The following ATP8A2 variants were observed in gnomAD, a reference collection of about 807,000 sequenced individuals.
ATP8A2 encodes the protein ATPase phospholipid transporting 8A2, also known as phospholipid-transporting ATPase IB.
A neutral mutation model predicts 165.6 loss-of-function variants in ATP8A2; 100 were observed. The ratio of observed to expected loss-of-function variants is 0.60; its 90% CI spans 0.51 to 0.71. The LOEUF (loss-of-function observed/expected upper bound fraction) is 0.71, where lower values mean the gene tolerates loss of function less well. ATP8A2 is among the 30% of genes least tolerant of loss of function. ATP8A2 has a pLI of 0.00. For synonymous variants in ATP8A2, 543 were observed against 548.8 expected (o/e 0.99, Z 0.15); for missense variants, 1,227 against 1,479.5 (o/e 0.83, Z 2.80).
rs534710885 is a variant in ATP8A2, at chr13:25,513,403, G to C, written c.222-16596G>C. ...CTTCTCACTTCCTAGATGGGATGGC[G>C]GCCGGGAAGAGGCGCTCCTCACTTC... On this transcript the variant is annotated intron_variant, in intron 2 of 36. Coordinates refer to ENST00000381655, the MANE Select transcript of ATP8A2 (RefSeq NM_016529.6). Among the ~76,000 whole-genome samples the C allele has an allele frequency of 2.2e-3, 309 of 143,218 alleles. 3 individuals are homozygous for C. Among genetic ancestry groups the C allele is most frequent in the African/African-American group, 7.1e-3 (284 of 40,230 alleles). 94.0% of individuals were successfully genotyped at this position (143,218 alleles called of 152,430 possible).
chr13:25,803,862 G>C (rs1950672958), intron 27 of ATP8A2, among the ~76,000 whole-genome samples: 1 of 152,254 alleles, frequency 6.6e-6, no homozygotes, highest in African/African-American at 2.4e-5. Context: ...TGAGAACTGT[G>C]TATGTGTTTG....
intron 25 of ATP8A2, among the ~76,000 whole-genome samples, chr13:25,737,640 AG>A (rs1460502306): frequency 6.6e-6 from 1 of 152,090 alleles, no homozygotes; most frequent in Non-Finnish European, 1.5e-5. Flanking sequence ...CTGGGACCAC[AG>A]GCAAATGCCA....
chr13:25,872,812 T>C (rs147689296), intron 33 of ATP8A2, among the ~76,000 whole-genome samples: 2 of 152,252 alleles, frequency 1.3e-5, no homozygotes, highest in African/African-American at 4.8e-5. Flanking sequence ...ATTTTATTGA[T>C]ATATTTTATT....
chr13:25,389,845 C>T (rs977879304), intron 1 of ATP8A2, among the ~76,000 whole-genome samples: 13 of 152,032 alleles, frequency 8.6e-5, no homozygotes, highest in Admixed American at 2.0e-4. Context: ...AAGCGATGTC[C>T]AAGGCAATAC....
At chr13:25,638,478 G>A (rs138410207) in intron 24 of ATP8A2, among the ~76,000 whole-genome samples, 5,286 of 152,292 alleles carry the variant, frequency 0.035, 158 homozygotes, top group East Asian at 0.13. Flanking sequence ...TTCAGTAGCC[G>A]ATTCGATCAA....
intron 25 of ATP8A2, among the ~76,000 whole-genome samples, chr13:25,721,328 C>G (rs761662892): frequency 3.3e-5 from 5 of 151,882 alleles, no homozygotes; most frequent in Non-Finnish European, 5.9e-5. Flanking sequence ...CATCATCACA[C>G]TAAATTAAGG....
intron 27 of ATP8A2, among the ~76,000 whole-genome samples, chr13:25,807,457 A>G (rs1465010202): frequency 2.0e-5 from 3 of 152,144 alleles, no homozygotes; most frequent in Non-Finnish European, 2.9e-5. Context: ...TTTCCTATTG[A>G]ATTGTCTTGG....
intron 25 of ATP8A2, among the ~76,000 whole-genome samples, chr13:25,742,609 A>T (rs558195145): frequency 6.6e-6 from 1 of 151,380 alleles, no homozygotes; most frequent in South Asian, 2.1e-4. Context: ...GTCATTCCTA[A>T]ACATATTTGA....
In ATP8A2 at chr13:25,430,275, G is replaced by T. The variant is rs986508117; in HGVS notation, c.77-38702G>T. Among the ~76,000 whole-genome samples, 7 of 152,052 alleles carry T rather than the reference G, an allele frequency of 4.6e-5. No homozygotes were observed. In the South Asian group the frequency reaches 1.2e-3, roughly 27 times the overall value. On this transcript the variant is annotated intron_variant, in intron 1 of 36. Transcript: ENST00000381655. ...AGACGGGGGCTGAAATGCAACTGTG[G>T]GGGCGTCTCCGGTAAGGGATGGACA...
chr13:25,806,594 A>G (rs1950745311), intron 27 of ATP8A2, among the ~76,000 whole-genome samples: 1 of 152,122 alleles, frequency 6.6e-6, no homozygotes, highest in Non-Finnish European at 1.5e-5. Flanking sequence ...CAAGCAGAGC[A>G]GGCAGTTGTG....
intron 1 of ATP8A2, among the ~76,000 whole-genome samples, chr13:25,415,796 G>A (rs1035670241): frequency 1.8e-4 from 28 of 152,172 alleles, no homozygotes; most frequent in African/African-American, 6.3e-4. Context: ...ACATCTAAAG[G>A]TGGTCTCCTT....
intron 27 of ATP8A2, among the ~76,000 whole-genome samples, chr13:25,817,719 T>C (rs1951067768): frequency 6.6e-6 from 1 of 152,046 alleles, no homozygotes; most frequent in Admixed American, 6.6e-5. Context: ...TTTTGAGATA[T>C]GATGTCATGG....
At chr13:25,882,339 T>C (rs1161680848) in intron 33 of ATP8A2, among the ~76,000 whole-genome samples, 1 of 152,210 alleles carries the variant, frequency 6.6e-6, no homozygotes, top group African/African-American at 2.4e-5. Flanking sequence ...ACTTGACTGC[T>C]CCCTCTTCTA....
At chr13:25,609,848 A>G (rs2040633730) in intron 24 of ATP8A2, among the ~76,000 whole-genome samples, 1 of 146,512 alleles carries the variant, frequency 6.8e-6, no homozygotes, top group African/African-American at 2.5e-5. Flanking sequence ...TGTGGTTTTG[A>G]TTTGCATTTC....
At chr13:25,699,760 G>A (rs2042912405) in intron 25 of ATP8A2, among the ~76,000 whole-genome samples, 1 of 152,050 alleles carries the variant, frequency 6.6e-6, no homozygotes, top group South Asian at 2.1e-4. Context: ...TTAAGGAGGA[G>A]CTTTGGTCGG....
At chr13:25,602,578 AT>A (rs1436477645) in intron 24 of ATP8A2, among the ~76,000 whole-genome samples, 1 of 152,230 alleles carries the variant, frequency 6.6e-6, no homozygotes, top group Admixed American at 6.5e-5. Flanking sequence ...CTTCAGGCAG[AT>A]GGTCCAGCAA....
chr13:25,959,625 C>T (rs2419794), intron 33 of ATP8A2, among the ~76,000 whole-genome samples: 150,382 of 152,294 alleles, frequency 0.99, 74,265 homozygotes, highest in East Asian at 1. Flanking sequence ...ACCACCATGA[C>T]AGATCCTCTA....
chr13:25,409,440 T>G (rs577319902), intron 1 of ATP8A2, among the ~76,000 whole-genome samples: 1 of 152,278 alleles, frequency 6.6e-6, no homozygotes, highest in South Asian at 2.1e-4. Context: ...AGCCAAAATA[T>G]GAAAGACATG....
At chr13:25,589,135 A>G (rs1457980224) in intron 23 of ATP8A2, among the ~76,000 whole-genome samples, 1 of 152,176 alleles carries the variant, frequency 6.6e-6, no homozygotes, top group African/African-American at 2.4e-5. Flanking sequence ...TAAAATAACA[A>G]CCAAAGAAAG....
Sources: gnomAD v4.1 joint callset for allele counts (sites outside exome capture counted in the v4.1 genomes callset) on GRCh38, gnomAD v4.1.1 for gene constraint, MANE v1.5 for transcripts, NCBI Gene and HGNC (gene_info 2026-07-23, HGNC 2026-07-21) for gene names.